The following DPP10 variants were observed in gnomAD, a reference collection of about 807,000 sequenced individuals.
DPP10 encodes dipeptidyl peptidase like 10, also known as inactive dipeptidyl peptidase 10.
In DPP10, 33 loss-of-function variants were observed where a neutral mutation model predicts 120.9. The ratio of observed to expected loss-of-function variants is 0.27; its 90% confidence interval spans 0.21 to 0.37. The LOEUF (loss-of-function observed/expected upper bound fraction) is 0.37, where lower values mean the gene tolerates loss of function less well. Ranked by LOEUF, DPP10 falls within the 10% of genes least tolerant of loss-of-function variation. The pLI, the probability that DPP10 is intolerant of heterozygous loss-of-function variation, is 1.00. For missense variants in DPP10, 816 were observed against 942.8 expected, an observed-to-expected ratio of 0.87 and a Z score of 1.76; for synonymous variants, 337 against 326.1, an observed-to-expected ratio of 1.03 and a Z score of -0.36.
intron 1 of DPP10, among the ~76,000 whole-genome samples, chr2:114,836,668 G>A (rs1687764943): frequency 6.6e-6 from 1 of 152,126 alleles, no homozygotes; most frequent in Non-Finnish European, 1.5e-5. Context: ...AGGGGACAGG[G>A]TTTGAGAGCA....
intron 7 of DPP10, among the ~76,000 whole-genome samples, chr2:115,691,893 CTT>C (rs1475883756): frequency 6.6e-6 from 1 of 152,008 alleles, no homozygotes; most frequent in Non-Finnish European, 1.5e-5. Flanking sequence ...TTTGGTGACT[CTT>C]TTAAGTGCTT....
At chr2:115,251,376 C>G (rs766538865) in intron 1 of DPP10, among the ~76,000 whole-genome samples, 1 of 152,138 alleles carries the variant, frequency 6.6e-6, no homozygotes, top group African/African-American at 2.4e-5. Context: ...ACATTTCTCA[C>G]TCTCTGCCAC....
At chr2:115,424,215 T>TC (rs1008754015) in intron 3 of DPP10, among the ~76,000 whole-genome samples, 15 of 152,168 alleles carry the variant, frequency 9.9e-5, no homozygotes, top group African/African-American at 3.4e-4. Flanking sequence ...TGTTTTTACT[T>TC]CTCAATATTT....
chr2:114,816,298 C>T (rs1685635582), intron 1 of DPP10, among the ~76,000 whole-genome samples: 2 of 152,170 alleles, frequency 1.3e-5, no homozygotes, highest in Admixed American at 1.3e-4. Flanking sequence ...AGGTTTCTGT[C>T]ACAACTACTC....
At chr2:115,222,889 T>TA (rs2057247948) in intron 1 of DPP10, among the ~76,000 whole-genome samples, 2 of 152,098 alleles carry the variant, frequency 1.3e-5, no homozygotes. Context: ...AGAGCATTAT[T>TA]AAAAAAATCA....
chr2:115,600,718 TG>T (rs1405086002), intron 5 of DPP10, among the ~76,000 whole-genome samples: 1 of 152,216 alleles, frequency 6.6e-6, no homozygotes, highest in African/African-American at 2.4e-5. Context: ...TTTATATCAA[TG>T]AGATTGCAGC....
intron 1 of DPP10, chr2:115,234,362 C>G (rs1019758181): frequency 6.0e-6 from 1 of 166,982 alleles, no homozygotes; most frequent in African/African-American, 2.4e-5. Context: ...GATTAGATAA[C>G]CTTAACCTTT....
chr2:115,381,625 C>T (rs565540711), intron 3 of DPP10, among the ~76,000 whole-genome samples: 34 of 152,288 alleles, frequency 2.2e-4, no homozygotes, highest in East Asian at 9.6e-4. Flanking sequence ...GGAGGAGAGA[C>T]GCTCTGCTTT....
In DPP10 at chr2:115,412,693, G is replaced by A. The variant is rs2069049784; in HGVS notation, c.271+68781G>A. On this transcript the variant is annotated intron_variant, in intron 3 of 25. Coordinates refer to ENST00000410059, the MANE Select transcript of DPP10 (RefSeq NM_020868.6). ...TTCTGATCTACTCAATGGAGTGTAT[G>A]TATTTAGGATTATTCATCCTTGTTT... Among the ~76,000 whole-genome samples the A allele has an allele frequency of 3.9e-5, 6 of 152,152 alleles. No homozygotes were observed. The South Asian group carries it at 1.2e-3, about 32-fold the overall frequency.
At chr2:115,312,288 A>G (rs1453898943) in intron 2 of DPP10, among the ~76,000 whole-genome samples, 1 of 152,148 alleles carries the variant, frequency 6.6e-6, no homozygotes, top group Non-Finnish European at 1.5e-5. Flanking sequence ...GATTATGTAA[A>G]TTGATCAAGT....
At chr2:115,143,571 G>T (rs1287957546) in intron 1 of DPP10, among the ~76,000 whole-genome samples, 4 of 152,188 alleles carry the variant, frequency 2.6e-5, no homozygotes, top group African/African-American at 9.7e-5. Context: ...TCTAAAATAT[G>T]CAGTTAATGC....
intron 1 of DPP10, among the ~76,000 whole-genome samples, chr2:114,743,522 C>T (rs1678271238): frequency 6.6e-6 from 1 of 152,006 alleles, no homozygotes; most frequent in South Asian, 2.1e-4. Flanking sequence ...ATTACAACCT[C>T]TATAAGTGAA....
At chr2:115,061,489 A>C (rs1706393677) in intron 1 of DPP10, among the ~76,000 whole-genome samples, 1 of 152,222 alleles carries the variant, frequency 6.6e-6, no homozygotes, top group South Asian at 2.1e-4. Context: ...TAACATATTT[A>C]TCATCCCTCA....
chr2:115,402,931 A>G (rs980756108), intron 3 of DPP10, among the ~76,000 whole-genome samples: 5 of 123,034 alleles, frequency 4.1e-5, no homozygotes, highest in Non-Finnish European at 6.3e-5. Context: ...ATATATATGT[A>G]TATATATATG....
chr2:114,737,539 A>C (rs1272388700), intron 1 of DPP10, among the ~76,000 whole-genome samples: 1 of 152,206 alleles, frequency 6.6e-6, no homozygotes, highest in Admixed American at 6.5e-5. Flanking sequence ...TCAAGGAAAA[A>C]CAGTGGAGAG....
At chr2:115,592,560 C>A (rs1291472920) in intron 5 of DPP10, among the ~76,000 whole-genome samples, 1 of 144,908 alleles carries the variant, frequency 6.9e-6, no homozygotes, top group Non-Finnish European at 1.5e-5. Flanking sequence ...TGGTGAAACC[C>A]CGTCTCTGCT....
intron 1 of DPP10, among the ~76,000 whole-genome samples, chr2:114,715,882 T>C (rs1701315496): frequency 6.6e-6 from 1 of 151,910 alleles, no homozygotes; most frequent in Non-Finnish European, 1.5e-5. Flanking sequence ...TCTTATGATA[T>C]GATCAAGGAC....
chr2:115,400,002 A>T (rs968288860), intron 3 of DPP10, among the ~76,000 whole-genome samples: 3 of 152,144 alleles, frequency 2.0e-5, no homozygotes, highest in Non-Finnish European at 4.4e-5. Context: ...GAAGGTAAAA[A>T]CAGAGCAGGA....
chr2:115,749,035 A>G (rs1177560681), intron 10 of DPP10, among the ~76,000 whole-genome samples: 2 of 152,180 alleles, frequency 1.3e-5, no homozygotes, highest in Non-Finnish European at 2.9e-5. Flanking sequence ...GTAGCATGGT[A>G]GGAACTAAGA....
Sources: gnomAD v4.1 joint callset for allele counts (sites outside exome capture counted in the v4.1 genomes callset) on GRCh38, gnomAD v4.1.1 for gene constraint, MANE v1.5 for transcripts, NCBI Gene and HGNC (gene_info 2026-07-23, HGNC 2026-07-21) for gene names.